The following STPG2 variants were observed in gnomAD, a reference collection of about 807,000 sequenced individuals.
The protein encoded by STPG2 is sperm tail PG-rich repeat containing 2.
A neutral mutation model predicts 54.2 loss-of-function variants in STPG2; 56 were observed. The observed-to-expected ratio is 1.03, with a 90% CI of 0.83 to 1.29. The LOEUF (loss-of-function observed/expected upper bound fraction) is 1.29, where lower values mean the gene tolerates loss of function less well. Ranked by LOEUF, STPG2 falls within the 50% of genes most tolerant of loss-of-function variation. The pLI is 0.00. For synonymous variants in STPG2, 200 were observed against 181.8 expected (o/e 1.10, Z -0.81); for missense variants, 596 against 544.9 (o/e 1.09, Z -0.93).
chr4:97,473,390 G>T (rs1729991341), intron 4 of STPG2, among the ~76,000 whole-genome samples: 2 of 152,224 alleles, frequency 1.3e-5, no homozygotes, highest in South Asian at 2.1e-4. Context: ...CCCCTTGGGT[G>T]TGGCCGTCTT....
At chr4:97,551,740 A>G (rs997845637) in intron 4 of STPG2, among the ~76,000 whole-genome samples, 1 of 152,242 alleles carries the variant, frequency 6.6e-6, no homozygotes, top group Non-Finnish European at 1.5e-5. Context: ...GCTCATGTAC[A>G]TAGAAAAAAT....
At chr4:97,540,615 T>TCAC (rs1286567342) in intron 4 of STPG2, among the ~76,000 whole-genome samples, 2 of 148,188 alleles carry the variant, frequency 1.3e-5, no homozygotes, top group Non-Finnish European at 1.5e-5. Context: ...ATCCTCCCTC[T>TCAC]TTTATGAGGC....
intron 10 of STPG2, among the ~76,000 whole-genome samples, chr4:97,708,063 A>G (rs1391317497): frequency 6.6e-6 from 1 of 152,068 alleles, no homozygotes; most frequent in South Asian, 2.1e-4. Context: ...TTAAATGTAT[A>G]CTCTAAGCTA....
intron 10 of STPG2, among the ~76,000 whole-genome samples, chr4:97,703,543 CTATAA>C (rs1468663490): frequency 2.2e-5 from 3 of 133,534 alleles, no homozygotes; most frequent in Non-Finnish European, 3.1e-5. Context: ...AGTCTATATA[CTATAA>C]TATACTATAT....
At chr4:97,674,908 A>G (rs1392053519) in intron 10 of STPG2, among the ~76,000 whole-genome samples, 1 of 152,202 alleles carries the variant, frequency 6.6e-6, no homozygotes, top group Non-Finnish European at 1.5e-5. Flanking sequence ...TCTACCCTCT[A>G]CAGTGCCTCT....
At chr4:97,753,744 T>C (rs1725651246) in intron 9 of STPG2, among the ~76,000 whole-genome samples, 1 of 152,030 alleles carries the variant, frequency 6.6e-6, no homozygotes, top group Admixed American at 6.6e-5. Flanking sequence ...TCTCATTGTG[T>C]GTTTCCCTAA....
chr4:97,739,460 T>C (rs1457319982), intron 9 of STPG2, among the ~76,000 whole-genome samples: 3 of 151,916 alleles, frequency 2.0e-5, no homozygotes, highest in Non-Finnish European at 4.4e-5. Context: ...AATTGATAGA[T>C]TGCTAGCAAG....
At chr4:97,910,592 G>A in intron 8 of STPG2, among the ~76,000 whole-genome samples, 1 of 152,186 alleles carries the variant, frequency 6.6e-6, no homozygotes, top group Non-Finnish European at 1.5e-5. Flanking sequence ...CAAATAATCT[G>A]ACTTTCTACT....
At chr4:97,516,634 A>C (rs1220991671) in intron 4 of STPG2, among the ~76,000 whole-genome samples, 1 of 151,916 alleles carries the variant, frequency 6.6e-6, no homozygotes, top group Non-Finnish European at 1.5e-5. Flanking sequence ...ACCAGTCTGG[A>C]CAACATGGGG....
chr4:97,568,368 G>A (rs938574426), intron 10 of STPG2, among the ~76,000 whole-genome samples: 3 of 152,098 alleles, frequency 2.0e-5, no homozygotes, highest in Non-Finnish European at 4.4e-5. Context: ...ATGTGTTGAT[G>A]TTACATCTCA....
intron 5 of STPG2, among the ~76,000 whole-genome samples, chr4:98,035,002 A>G (rs900612529): frequency 6.6e-6 from 1 of 152,230 alleles, no homozygotes; most frequent in Non-Finnish European, 1.5e-5. Flanking sequence ...ACTCTAGAAG[A>G]AAACCTAGGC....
In STPG2 at chr4:97,696,555, A is replaced by G. The variant is rs1862459480; in HGVS notation, c.1320+16144T>C. Reference sequence around the variant, plus strand: ...TAATTAAACTAAAAAGTTTCTACACAGCAAAAGAAATAATCAGCAGAGTAA... The same window carrying G: ...TAATTAAACTAAAAAGTTTCTACACGGCAAAAGAAATAATCAGCAGAGTAA... On this transcript the variant is annotated intron_variant, in intron 10 of 10. Coordinates refer to ENST00000295268, the MANE Select transcript of STPG2 (RefSeq NM_174952.3). Among the ~76,000 whole-genome samples the G allele has an allele frequency of 1.3e-5, 2 of 152,256 alleles. 1 individual carries two copies. Among genetic ancestry groups the G allele is most frequent in the Admixed American group, 1.3e-4 (2 of 15,290 alleles).
At chr4:97,615,541 G>A (rs922442630) in intron 10 of STPG2, among the ~76,000 whole-genome samples, 1 of 151,968 alleles carries the variant, frequency 6.6e-6, no homozygotes, top group African/African-American at 2.4e-5. Flanking sequence ...TCCCATATTG[G>A]CCTCCTAAGT....
In STPG2 at chr4:97,935,463, T is replaced by C. The variant is rs112180691; in HGVS notation, c.1044+8434A>G. Among the ~76,000 whole-genome samples the C allele has an allele frequency of 5.6e-3, 859 of 152,278 alleles. 5 individuals carry two copies. Among genetic ancestry groups the C allele is most frequent in the Middle Eastern group, 0.02 (6 of 294 alleles). On this transcript the variant is annotated intron_variant, in intron 8 of 10. Coordinates refer to ENST00000295268, the MANE Select transcript of STPG2 (RefSeq NM_174952.3). ...GCTCTTGCTTCTCTAGTTGCTTTAT[T>C]TGTAATGTTAGGGTGTTGATTTGAG...
chr4:97,742,572 T>TAG (rs1725293104), intron 9 of STPG2, among the ~76,000 whole-genome samples: 1 of 147,952 alleles, frequency 6.8e-6, no homozygotes, highest in South Asian at 2.1e-4. Flanking sequence ...TGTGTCTATA[T>TAG]ATATATGGAA....
At chr4:97,824,405 T>C (rs1028044663) in intron 9 of STPG2, among the ~76,000 whole-genome samples, 6 of 152,302 alleles carry the variant, frequency 3.9e-5, no homozygotes, top group South Asian at 2.1e-4. Context: ...TTATCTCCTC[T>C]GTAAAGTTCT....
intron 6 of STPG2, among the ~76,000 whole-genome samples, chr4:97,978,322 T>C (rs780114448): frequency 1.6e-4 from 24 of 152,122 alleles, no homozygotes; most frequent in East Asian, 1.9e-4. Context: ...TGAAATACTA[T>C]GCAGCAATAA....
chr4:97,873,511 C>T (rs1445238568), intron 8 of STPG2, among the ~76,000 whole-genome samples: 2 of 151,512 alleles, frequency 1.3e-5, no homozygotes, highest in African/African-American at 2.4e-5. Context: ...ACAAAAAGCA[C>T]TATTGAACAT....
intron 9 of STPG2, among the ~76,000 whole-genome samples, chr4:97,765,076 T>C (rs1385434319): frequency 1.3e-5 from 2 of 152,174 alleles, no homozygotes; most frequent in Non-Finnish European, 2.9e-5. Flanking sequence ...AACATAAAAT[T>C]ACCTGGTGTA....
Sources: gnomAD v4.1 joint callset for allele counts (sites outside exome capture counted in the v4.1 genomes callset) on GRCh38, gnomAD v4.1.1 for gene constraint, MANE v1.5 for transcripts, NCBI Gene and HGNC (gene_info 2026-07-23, HGNC 2026-07-21) for gene names.